Variants in SOX13 observed in about 807,000 individuals in gnomAD.
SOX13 encodes the protein SRY-box transcription factor 13.
Under a neutral mutation model 71.8 loss-of-function variants are expected in SOX13, and 28 were observed. The observed-to-expected ratio is 0.39, with a 90% CI of 0.29 to 0.53. The LOEUF is 0.53. Ranked by LOEUF, SOX13 falls within the 20% of genes least tolerant of loss-of-function variation. The probability of loss-of-function intolerance (pLI) is 0.70; values close to 1 mark genes in which losing one functional copy is unlikely to be tolerated. For synonymous variants in SOX13, 309 were observed against 317.8 expected, an observed-to-expected ratio of 0.97 and a Z score of 0.29; for missense variants, 627 against 810.3, an observed-to-expected ratio of 0.77 and a Z score of 2.75.
chr1:204,104,506 G>A (rs976196775), intron 1 of SOX13, among the ~76,000 whole-genome samples: 1 of 152,240 alleles, frequency 6.6e-6, no homozygotes. Flanking sequence ...GGGCACCCAC[G>A]CCTTGGCCTA....
At position 204,123,876 on chromosome 1, in the gene SOX13, T is replaced by C; in HGVS notation, c.1375+72T>C. 1.3e-6 allele frequency: 2 copies of C among 1,544,430 alleles called. No individual in the cohort carries two copies. The highest frequency in any genetic ancestry group is 1.8e-6 in the Non-Finnish European group (2 of 1,124,596). The stretch of plus-strand genomic sequence containing the variant: ...GGAGCCAGCTGGGTCTATTCAGGGC[T>C]TGCTTGGTGATATTCCATACTGTGT... On this transcript the variant is annotated intron_variant, in intron 12 of 13. Transcript: ENST00000367204. The surrounding 1 kb of genome is among the most constrained non-coding windows in gnomAD (Gnocchi z 5.0).
At chr1:204,091,696 A>G (rs147847990) in intron 1 of SOX13, among the ~76,000 whole-genome samples, 3 of 152,020 alleles carry the variant, frequency 2.0e-5, no homozygotes, top group Non-Finnish European at 4.4e-5. Context: ...TTTCTGGCAA[A>G]TAACAGAACT....
At position 204,079,343 on chromosome 1, in the gene SOX13, A is replaced by T. The variant is rs111481883; in HGVS notation, c.-2+5632A>T. ...TGTGGTGTGGTCCACAGCATAGAAC[A>T]TTTTTTTTTTTTTTTTTTTTGAGAC... On this transcript the variant is annotated intron_variant, in intron 1 of 13. Coordinates refer to ENST00000367204, the MANE Select transcript of SOX13 (RefSeq NM_005686.3). 8.5e-3 allele frequency among the ~76,000 whole-genome samples: 937 copies of T among 110,820 alleles called. 14 individuals are homozygous for T. The highest frequency in any genetic ancestry group is 0.047 in the Middle Eastern group (8 of 172). 72.7% of individuals were successfully genotyped at this position (110,820 alleles called of 152,430 possible).
In SOX13 at chr1:204,073,365, C is replaced by G. The variant is rs1655708689; in HGVS notation, c.-348C>G. The G allele has an allele frequency of 1.3e-5, 2 of 152,462 alleles. No homozygotes were observed. Among genetic ancestry groups the G allele is most frequent in the Admixed American group, 1.3e-4 (2 of 15,280 alleles). 9.4% of individuals were successfully genotyped at this position (152,462 alleles called of 1,614,324 possible). A position where few individuals can be genotyped will look rare whatever the true frequency, so the allele number is the denominator to read the frequency against. ...GCGTCCGACGAGTCGCAGAGCAGGA[C>G]CGCGGAAGGCAGGGAGACGGCCGCA... On this transcript the variant is annotated 5_prime_UTR_variant, in exon 1 of 14. Transcript: ENST00000367204. This position sits in a 1 kb window ranked among gnomAD's most constrained non-coding sequence, Gnocchi z 6.8.
At chr1:204,102,881 C>T (rs939203312) in intron 1 of SOX13, among the ~76,000 whole-genome samples, 1 of 152,114 alleles carries the variant, frequency 6.6e-6, no homozygotes, top group Non-Finnish European at 1.5e-5. Context: ...GACACAGGTC[C>T]ATGTGACAAA....
intron 9 of SOX13, chr1:204,122,620 AG>A (rs749485051): frequency 6.8e-6 from 4 of 589,722 alleles, no homozygotes; most frequent in African/African-American, 4.5e-5. Flanking sequence ...ACATAGTTCC[AG>A]GGGGTACTGT....
chr1:204,123,813 C>T lies in SOX13; in HGVS notation c.1375+9C>T, dbSNP rs371239955. On this transcript the variant is annotated intron_variant, in intron 12 of 13. Coordinates refer to ENST00000367204, the MANE Select transcript of SOX13 (RefSeq NM_005686.3). The surrounding 1 kb of genome is among the most constrained non-coding windows in gnomAD (Gnocchi z 5.0). ...CATCAGCAAGATCCTTGGTAAGGGCCAGTGGCTGGGGCCATGGTTCAGTGT... is the reference window on the plus strand; with the variant it reads ...CATCAGCAAGATCCTTGGTAAGGGCTAGTGGCTGGGGCCATGGTTCAGTGT... 6.2e-7 allele frequency: 1 copy of T among 1,614,038 alleles called. No individual in the cohort carries two copies. Among genetic ancestry groups the T allele is most frequent in the East Asian group, 2.2e-5 (1 of 44,892 alleles).
intron 1 of SOX13, among the ~76,000 whole-genome samples, chr1:204,101,333 C>G (rs936677687): frequency 6.6e-6 from 1 of 151,930 alleles, no homozygotes; most frequent in African/African-American, 2.4e-5. Flanking sequence ...GCTGTGGGCT[C>G]ACAGATGGGT....
intron 1 of SOX13, among the ~76,000 whole-genome samples, chr1:204,103,772 C>CAGAAA (rs1019836039): frequency 6.6e-6 from 1 of 152,210 alleles, no homozygotes; most frequent in African/African-American, 2.4e-5. Context: ...CTACCCCTGC[C>CAGAAA]TTCTAGCACT....
intron 1 of SOX13, among the ~76,000 whole-genome samples, chr1:204,107,133 A>C (rs1489449719): frequency 6.6e-6 from 1 of 152,256 alleles, no homozygotes; most frequent in African/African-American, 2.4e-5. Context: ...CACAACTTAC[A>C]GAATAGATAT....
intron 7 of SOX13, among the ~76,000 whole-genome samples, chr1:204,120,551 T>C (rs990103239): frequency 1.3e-5 from 2 of 152,202 alleles, no homozygotes; most frequent in African/African-American, 4.8e-5. Flanking sequence ...ACCTCGGCCT[T>C]CATGGGCCTC....
intron 1 of SOX13, among the ~76,000 whole-genome samples, chr1:204,086,343 G>GC (rs1656018208): frequency 6.6e-6 from 1 of 151,830 alleles, no homozygotes; most frequent in Non-Finnish European, 1.5e-5. Flanking sequence ...TCGCTGTGTC[G>GC]CCCAGGCTGG....
chr1:204,126,104 C>T lies in SOX13; in HGVS notation c.1839C>T (p.Ser613=), dbSNP rs371634343. Residue 613 remains serine, a synonymous_variant, in exon 14 of 14, where the codon AGC becomes AGT. Transcript: ENST00000367204. ...AGGACTCGGAGGGCGAAGAGAAGAGCGATGGGGAGTTGGTGGTGCTCACAG... is the reference window on the plus strand; with the variant it reads ...AGGACTCGGAGGGCGAAGAGAAGAGTGATGGGGAGTTGGTGGTGCTCACAG... ...EDEDSEGEEK[S]DGELVVLTD 1.6e-5 allele frequency: 26 copies of T among 1,613,802 alleles called. No individual in the cohort carries two copies. The African/African-American group carries it at 1.7e-4, about 11-fold the overall frequency.
At chr1:204,104,814 T>C (rs1457729236) in intron 1 of SOX13, among the ~76,000 whole-genome samples, 3 of 152,158 alleles carry the variant, frequency 2.0e-5, no homozygotes, top group Non-Finnish European at 2.9e-5. Context: ...GGAATTTATC[T>C]CTATCTTTAT....
Position 204,088,091 on chromosome 1 carries a change from T to C in SOX13, c.-2+14380T>C, listed in dbSNP as rs182378469. On this transcript the variant is annotated intron_variant, in intron 1 of 13. Transcript: ENST00000367204. The stretch of plus-strand genomic sequence containing the variant: ...GGGAAATGGTGATGGGAAGGGCCCA[T>C]TGGGTCTCCAGACAGTCACAGGGAA... Among the ~76,000 whole-genome samples, 231 of 152,290 alleles carry C rather than the reference T, an allele frequency of 1.5e-3. 1 individual carries two copies. Among genetic ancestry groups the C allele is most frequent in the African/African-American group, 4.9e-3 (205 of 41,564 alleles).
At chr1:204,116,816 G>A (rs1656705281) in intron 5 of SOX13, 137 bp downstream of exon 5, 1 of 1,455,348 alleles carries the variant, frequency 6.9e-7, no homozygotes, top group Non-Finnish European at 9.2e-7. Context: ...CTGTGGCCAG[G>A]GGCTGTAGGA....
chr1:204,091,277 C>T (rs903015227), intron 1 of SOX13, among the ~76,000 whole-genome samples: 7 of 152,198 alleles, frequency 4.6e-5, no homozygotes, highest in East Asian at 1.9e-4. Flanking sequence ...ATGCTGCTCA[C>T]GGCTTTGGTC....
chr1:204,081,521 G>A lies in SOX13; in HGVS notation c.-2+7810G>A, dbSNP rs929529728. ...GAGTGGGCCCCACGGACCCCCTGGC[G>A]GGCTCTGGGGGTGGGGGTTGGGGGG... is the stretch of plus-strand genomic sequence containing the variant. On this transcript the variant is annotated intron_variant, in intron 1 of 13. Transcript: ENST00000367204. This position sits in a 1 kb window ranked among gnomAD's most constrained non-coding sequence, Gnocchi z 4.3. 1.2e-4 allele frequency among the ~76,000 whole-genome samples: 19 copies of A among 152,156 alleles called. No individual in the cohort carries two copies. Among genetic ancestry groups the A allele is most frequent in the Non-Finnish European group, 2.6e-4 (18 of 68,040 alleles).
rs1170908370 is a variant in SOX13, at chr1:204,122,295, C to T, written c.920C>T (p.Thr307Ile). Reference protein sequence around the residue: ...AKPKAPELPNTSSSPSLKMSS... With the variant: ...AKPKAPELPNISSSPSLKMSS... ...CCCAAGGCCCCCGAGCTGCCCAACA[C>T]CTCCAGCTCCCCAAGCCTGAAGATG... Residue 307 changes from threonine (T) to isoleucine (I), a missense_variant, in exon 9 of 14, where the codon ACC (threonine) becomes ATC (isoleucine). Physicochemically the swap from Thr to Ile is moderately conservative, Grantham distance 89. Coordinates refer to ENST00000367204, the MANE Select transcript of SOX13 (RefSeq NM_005686.3). 3 of 1,584,846 alleles carry T rather than the reference C, an allele frequency of 1.9e-6. No homozygotes were observed. The Admixed American group carries it at 5.4e-5, about 28-fold the overall frequency.
Sources: allele counts gnomAD v4.1 joint callset (sites outside exome capture counted in the v4.1 genomes callset), GRCh38; gene constraint gnomAD v4.1.1; non-coding constraint Gnocchi (gnomAD v3.1); transcripts MANE v1.5; gene names NCBI Gene and HGNC (gene_info 2026-07-23, HGNC 2026-07-21).